The following SMG6 variants were observed in gnomAD, a reference collection of about 807,000 sequenced individuals.
The protein encoded by SMG6 is telomerase-binding protein EST1A.
In SMG6, 66 loss-of-function variants were observed where a neutral mutation model predicts 142.2. The ratio of observed to expected loss-of-function variants is 0.46; its 90% confidence interval spans 0.38 to 0.57. The LOEUF (loss-of-function observed/expected upper bound fraction) is 0.57. Among genes scored for constraint, SMG6 ranks in the 20% least tolerant of loss-of-function variants. The pLI is 0.00. For synonymous variants in SMG6, 779 were observed against 702.4 expected, an observed-to-expected ratio of 1.11 and a Z score of -1.72; for missense variants, 1,793 against 1,832.0, an observed-to-expected ratio of 0.98 and a Z score of 0.39.
At chr17:2,253,089 C>A (rs1319678761) in intron 8 of SMG6, among the ~76,000 whole-genome samples, 1 of 151,898 alleles carries the variant, frequency 6.6e-6, no homozygotes, top group South Asian at 2.1e-4. Flanking sequence ...CAGCAGAGGG[C>A]ACATGGCCCA....
At chr17:2,137,185 A>C (rs1354987142) in intron 13 of SMG6, among the ~76,000 whole-genome samples, 3 of 152,068 alleles carry the variant, frequency 2.0e-5, no homozygotes, top group Non-Finnish European at 4.4e-5. Context: ...GATCCAGCTA[A>C]AAGAAATGGT....
chr17:2,210,163 C>G (rs549445247), intron 10 of SMG6, among the ~76,000 whole-genome samples: 1 of 152,276 alleles, frequency 6.6e-6, no homozygotes, highest in Non-Finnish European at 1.5e-5. Context: ...ATAGCTGCAA[C>G]ACAGTTCAAT....
intron 13 of SMG6, among the ~76,000 whole-genome samples, chr17:2,136,190 T>C (rs1284644632): frequency 6.6e-6 from 1 of 151,780 alleles, no homozygotes; most frequent in African/African-American, 2.4e-5. Flanking sequence ...GTTTCCTGAG[T>C]AGCTGGGATT....
chr17:2,126,554 A>G (rs549230174), intron 13 of SMG6, among the ~76,000 whole-genome samples: 45 of 151,722 alleles, frequency 3.0e-4, no homozygotes, highest in Non-Finnish European at 5.2e-4. Context: ...GTGAAACCCC[A>G]TCTCTACTAA....
At chr17:2,226,758 G>C (rs532810474) in intron 10 of SMG6, among the ~76,000 whole-genome samples, 2 of 152,126 alleles carry the variant, frequency 1.3e-5, no homozygotes, top group African/African-American at 4.8e-5. Flanking sequence ...AGCCAGGCGT[G>C]GTGGTGAGTA....
intron 9 of SMG6, chr17:2,240,120 T>C (rs2073764309): frequency 6.6e-6 from 1 of 152,262 alleles, no homozygotes; most frequent in Non-Finnish European, 1.5e-5. Flanking sequence ...ACTCTGTCCC[T>C]ATCCTTTAAA....
rs566565111 is a variant in SMG6 at position 2,131,773 on chromosome 17, C to T, written c.3357+40885G>A. On this transcript the variant is annotated intron_variant, in intron 13 of 18. Transcript: ENST00000263073. Reference sequence around the variant, plus strand: ...ATTCAGACTTGCAAATCAATAAAAACCAACCAGCTGGGCACGGTGGCACAC... The same window carrying T: ...ATTCAGACTTGCAAATCAATAAAAATCAACCAGCTGGGCACGGTGGCACAC... 8.5e-5 allele frequency among the ~76,000 whole-genome samples: 13 copies of T among 152,254 alleles called. No homozygotes were observed. In the South Asian group the frequency reaches 2.7e-3, roughly 32 times the overall value.
At chr17:2,096,446 T>G (rs1052308144) in intron 13 of SMG6, among the ~76,000 whole-genome samples, 3 of 152,188 alleles carry the variant, frequency 2.0e-5, no homozygotes, top group Non-Finnish European at 2.9e-5. Context: ...TGACCTCAGG[T>G]GATCCACCTG....
chr17:2,091,842 G>T (rs9911200), intron 13 of SMG6, among the ~76,000 whole-genome samples: 7,909 of 38,326 alleles, frequency 0.21, 443 homozygotes, highest in African/African-American at 0.36. Context: ...AGCTAATTTT[G>T]TGTGTGTGTG....
chr17:2,236,578 T>G lies in SMG6; in HGVS notation c.2783A>C (p.Gln928Pro). 1 of 1,613,854 alleles carries G rather than the reference T, an allele frequency of 6.2e-7. No individual in the cohort carries two copies. The highest frequency in any genetic ancestry group is 8.5e-7 in the Non-Finnish European group (1 of 1,179,902). The change falls in exon 10 of 19, where the codon CAG (glutamine) becomes CCG (proline). Residue 928 changes from glutamine to proline, a missense_variant. Physicochemically the swap from Gln to Pro is moderately conservative, Grantham distance 76. Around this residue, in one of 3 missense-constraint regions of SMG6, gnomAD observed 1,597 missense variants for 1,584.6 expected, o/e 1.01. Coordinates refer to ENST00000263073, the MANE Select transcript of SMG6 (RefSeq NM_017575.5). ...KVLKEFQVLL[Q>P]HSPSPIGSTR... ...ACTTCCAATGGGAGAGGGGCTGTGC[T>G]GCAGTAACACCTGGAACTCCTTGAG...
intron 13 of SMG6, chr17:2,087,838 C>T: frequency 1.0e-6 from 1 of 985,880 alleles, no homozygotes; most frequent in Non-Finnish European, 1.2e-6. Context: ...TCTGCATTTC[C>T]ACAAGACTGC....
intron 10 of SMG6, among the ~76,000 whole-genome samples, chr17:2,221,414 T>C (rs1346475810): frequency 6.6e-6 from 1 of 152,208 alleles, no homozygotes; most frequent in African/African-American, 2.4e-5. Context: ...TCCACCATGA[T>C]TGTGATTCTC....
In SMG6 at chr17:2,300,499, G is replaced by C; in HGVS notation, c.254C>G (p.Ser85Cys). 1 of 1,614,168 alleles carries C rather than the reference G, an allele frequency of 6.2e-7. No homozygotes were observed. The highest frequency in any genetic ancestry group is 1.1e-5 in the South Asian group (1 of 91,080). Residue 85 changes from serine (S) to cysteine (C), a missense_variant, in exon 2 of 19, where the codon TCT (serine) becomes TGT (cysteine). Around this residue, in one of 3 missense-constraint regions of SMG6, gnomAD observed 1,597 missense variants for 1,584.6 expected, o/e 1.01. Coordinates refer to ENST00000263073, the MANE Select transcript of SMG6 (RefSeq NM_017575.5). ...GGGCTGTGTACCATTTTCAACAGCA[G>C]AGCAATCTCGGTCATTAACAATTTC... ...KDEIVNDRDC[S>C]AVENGTQPVK...
In SMG6 at chr17:2,125,952, C is replaced by CAAAA. The variant is rs562438656; in HGVS notation, c.3358-40055_3358-40052dup. On this transcript the variant is annotated intron_variant, in intron 13 of 18. Coordinates refer to ENST00000263073, the MANE Select transcript of SMG6 (RefSeq NM_017575.5). ...TGGGAGATGGAGTGAGAACCCATCTCAAAAAAAAAAAAAAAAAAATCATAT... is the reference window on the plus strand; with the variant it reads ...TGGGAGATGGAGTGAGAACCCATCTCAAAAAAAAAAAAAAAAAAAAAAATCATAT... 4.4e-4 allele frequency among the ~76,000 whole-genome samples: 46 copies of CAAAA among 105,060 alleles called. 1 individual carries two copies. The highest frequency in any genetic ancestry group is 6.5e-4 in the Admixed American group (6 of 9,292). 68.9% of individuals were successfully genotyped at this position (105,060 alleles called of 152,430 possible).
chr17:2,151,424 AAC>A (rs2070821403), intron 13 of SMG6, among the ~76,000 whole-genome samples: 1 of 152,190 alleles, frequency 6.6e-6, no homozygotes, highest in South Asian at 2.1e-4. Context: ...ACATGCAAAT[AAC>A]TGAGATTCAC....
chr17:2,201,704 A>G lies in SMG6; in HGVS notation c.2870-13189T>C, dbSNP rs2072529133. Among the ~76,000 whole-genome samples the G allele has an allele frequency of 2.0e-5, 3 of 151,790 alleles. No homozygotes were observed. The Middle Eastern group carries it at 0.01, about 523-fold the overall frequency. On this transcript the variant is annotated intron_variant, in intron 10 of 18. Coordinates refer to ENST00000263073, the MANE Select transcript of SMG6 (RefSeq NM_017575.5). Reference sequence around the variant, plus strand: ...AAAAAAAAAAAAAAAGTTAAATAATATAACCACTTTGGCAGTATCTTAAAA... The same window carrying G: ...AAAAAAAAAAAAAAAGTTAAATAATGTAACCACTTTGGCAGTATCTTAAAA...
intron 9 of SMG6, among the ~76,000 whole-genome samples, chr17:2,243,033 GGTGGCA>G (rs1217496262): frequency 2.0e-5 from 3 of 152,318 alleles, no homozygotes; most frequent in African/African-American, 7.2e-5. Flanking sequence ...AACTTAAACT[GGTGGCA>G]GTGGCAGTGG....
At chr17:2,123,997 T>C (rs906859444) in intron 13 of SMG6, among the ~76,000 whole-genome samples, 4 of 152,236 alleles carry the variant, frequency 2.6e-5, no homozygotes, top group African/African-American at 7.2e-5. Context: ...TTGGCAGCAC[T>C]GAAGGCCAGA....
chr17:2,281,253 G>C (rs1483436502), intron 8 of SMG6, among the ~76,000 whole-genome samples: 1 of 152,066 alleles, frequency 6.6e-6, no homozygotes, highest in Non-Finnish European at 1.5e-5. Flanking sequence ...AGACTCCTGA[G>C]TAGCTAGAAC....
Sources: allele counts gnomAD v4.1 joint callset (sites outside exome capture counted in the v4.1 genomes callset), GRCh38; gene constraint gnomAD v4.1.1; regional missense constraint gnomAD v4.1.1; transcripts MANE v1.5; gene names NCBI Gene and HGNC (gene_info 2026-07-23, HGNC 2026-07-21).